The following RPSA2 variants were observed in gnomAD, a reference collection of about 807,000 sequenced individuals.
RPSA2 encodes ribosomal protein SA 2.
At chr19:23,802,661 G>A in the RPSA2 span, among the ~76,000 whole-genome samples, 3 of 151,128 alleles carry the variant, frequency 2.0e-5, no homozygotes, top group Non-Finnish European at 4.4e-5. Context: ...TGGTACTTGA[G>A]TGAAAAACAA....
the RPSA2 span, among the ~76,000 whole-genome samples, chr19:23,843,439 C>A: frequency 6.6e-6 from 1 of 152,084 alleles, no homozygotes; most frequent in Non-Finnish European, 1.5e-5. Flanking sequence ...ATCTTTTGTC[C>A]CATACCATTA....
At chr19:23,793,299 T>C in the RPSA2 span, among the ~76,000 whole-genome samples, 1 of 151,844 alleles carries the variant, frequency 6.6e-6, no homozygotes, top group African/African-American at 2.4e-5. Context: ...CTCACCTTTG[T>C]GCTTCATCTT....
chr19:23,864,468 C>A, the RPSA2 span, among the ~76,000 whole-genome samples: 1 of 152,108 alleles, frequency 6.6e-6, no homozygotes, highest in Non-Finnish European at 1.5e-5. Context: ...ATGTAACACA[C>A]AAAGGCCTTG....
chr19:23,854,520 G>A, the RPSA2 span, among the ~76,000 whole-genome samples: 1 of 152,094 alleles, frequency 6.6e-6, no homozygotes, highest in Non-Finnish European at 1.5e-5. Context: ...TTTGATATTG[G>A]GGCCTGGGAC....
the RPSA2 span, among the ~76,000 whole-genome samples, chr19:23,763,320 C>T: frequency 1.3e-5 from 2 of 152,342 alleles, no homozygotes; most frequent in Non-Finnish European, 2.9e-5. Context: ...CCAGCCCCGT[C>T]CGTGCGGGGC....
chr19:23,861,811 AC>A, the RPSA2 span, among the ~76,000 whole-genome samples: 1 of 152,022 alleles, frequency 6.6e-6, no homozygotes. Flanking sequence ...GGAAACCAGA[AC>A]CCTGAGTTGA....
the RPSA2 span, among the ~76,000 whole-genome samples, chr19:23,796,146 G>A: frequency 6.6e-6 from 1 of 152,158 alleles, no homozygotes; most frequent in Non-Finnish European, 1.5e-5. Flanking sequence ...TACTTTTAAT[G>A]CCTAGGTTTT....
At chr19:23,775,211 C>T in the RPSA2 span, among the ~76,000 whole-genome samples, 2 of 152,162 alleles carry the variant, frequency 1.3e-5, no homozygotes, top group Non-Finnish European at 2.9e-5. Context: ...TTAAGATTAT[C>T]ACCTTCATCC....
chr19:23,853,770 T>G, the RPSA2 span, among the ~76,000 whole-genome samples: 1 of 152,212 alleles, frequency 6.6e-6, no homozygotes, highest in Admixed American at 6.5e-5. Context: ...ATTGGCATGA[T>G]ATAAGGCTGA....
chr19:23,774,436 TG>T, the RPSA2 span, among the ~76,000 whole-genome samples: 3 of 152,196 alleles, frequency 2.0e-5, no homozygotes, highest in Admixed American at 2.0e-4. Flanking sequence ...TCTTCCATCA[TG>T]AGTTCTGCTG....
the RPSA2 span, among the ~76,000 whole-genome samples, chr19:23,781,675 A>T: frequency 6.6e-6 from 1 of 152,166 alleles, no homozygotes; most frequent in Non-Finnish European, 1.5e-5. Context: ...TGAGGCTCTC[A>T]TGCACAAATC....
chr19:23,841,016 A>C, the RPSA2 span, among the ~76,000 whole-genome samples: 1 of 151,164 alleles, frequency 6.6e-6, no homozygotes, highest in Non-Finnish European at 1.5e-5. Flanking sequence ...ATGTGCCTTG[A>C]ACTTTACATA....
chr19:23,801,849 A>G, the RPSA2 span, among the ~76,000 whole-genome samples: 4 of 152,178 alleles, frequency 2.6e-5, no homozygotes, highest in African/African-American at 9.7e-5. Context: ...GCTTGGCCCC[A>G]ATAAACTGTG....
the RPSA2 span, among the ~76,000 whole-genome samples, chr19:23,830,051 G>GTTTTTTTT: frequency 6.7e-6 from 1 of 148,270 alleles, no homozygotes; most frequent in Non-Finnish European, 1.5e-5. Flanking sequence ...ACTTTGGAAG[G>GTTTTTTTT]TTTTTTTTTT....
the RPSA2 span, among the ~76,000 whole-genome samples, chr19:23,805,121 G>GCACA: frequency 3.3e-4 from 50 of 149,682 alleles, 1 homozygote; most frequent in African/African-American, 1.1e-3. Context: ...AAAATAAAAA[G>GCACA]CACACACACA....
At chr19:23,801,727 C>T in the RPSA2 span, among the ~76,000 whole-genome samples, 1 of 152,128 alleles carries the variant, frequency 6.6e-6, no homozygotes, top group African/African-American at 2.4e-5. Context: ...TTTGTATCAC[C>T]CCACTCTCTA....
At chr19:23,847,390 G>A in the RPSA2 span, among the ~76,000 whole-genome samples, 1 of 152,098 alleles carries the variant, frequency 6.6e-6, no homozygotes, top group Non-Finnish European at 1.5e-5. Context: ...GCCAGTCTGA[G>A]AAATAAAGAG....
chr19:23,779,289 T>C, the RPSA2 span, among the ~76,000 whole-genome samples: 148,657 of 152,006 alleles, frequency 0.98, 72,783 homozygotes, highest in Middle Eastern at 1. Context: ...CGTGAGCCAC[T>C]GCGCCCGGCC....
the RPSA2 span, among the ~76,000 whole-genome samples, chr19:23,768,365 C>T: frequency 4.0e-5 from 6 of 151,330 alleles, no homozygotes; most frequent in African/African-American, 1.5e-4. Context: ...TTTCTCAAAC[C>T]ATCAGCTCCT....
Sources: gnomAD v4.1 joint callset for allele counts (sites outside exome capture counted in the v4.1 genomes callset) on GRCh38, gnomAD v4.1.1 for gene constraint, MANE v1.5 for transcripts, NCBI Gene and HGNC (gene_info 2026-07-23, HGNC 2026-07-21) for gene names.